Variants in FAM227B observed in about 807,000 individuals in gnomAD.
FAM227B encodes the protein protein FAM227B.
Under a neutral mutation model 73.8 loss-of-function variants are expected in FAM227B, and 88 were observed. The ratio of observed to expected loss-of-function variants is 1.19; its 90% confidence interval spans 1.00 to 1.42. The LOEUF (loss-of-function observed/expected upper bound fraction) is 1.42, where lower values mean the gene tolerates loss of function less well. FAM227B is among the 40% of genes most tolerant of loss of function. The pLI is 0.00. For missense variants in FAM227B, 632 were observed against 590.9 expected (o/e 1.07, Z -0.72); for synonymous variants, 210 against 190.5 (o/e 1.10, Z -0.84).
At chr15:49,342,378 A>C (rs1165324527) in intron 13 of FAM227B, among the ~76,000 whole-genome samples, 4 of 152,110 alleles carry the variant, frequency 2.6e-5, no homozygotes, top group Admixed American at 2.6e-4. Context: ...CATTTATGTG[A>C]TAGAACTTTC....
At chr15:49,405,364 TC>T (rs2048444148) in intron 11 of FAM227B, among the ~76,000 whole-genome samples, 2 of 152,334 alleles carry the variant, frequency 1.3e-5, no homozygotes, top group South Asian at 4.1e-4. Flanking sequence ...TTGCTTGTAC[TC>T]ACCCCATCTC....
Position 49,614,926 on chromosome 15 carries a change from C to G in FAM227B, c.51+195G>C, listed in dbSNP as rs2078192096. On this transcript the variant is annotated intron_variant, in intron 2 of 15. Transcript: ENST00000299338. ...TGATCTCCCATCTCCTCGGCTGCAGCACCCTATTAAAGCTTTCTTCCTTGG... is the reference window on the plus strand; with the variant it reads ...TGATCTCCCATCTCCTCGGCTGCAGGACCCTATTAAAGCTTTCTTCCTTGG... 13 of 586,860 alleles carry G rather than the reference C, an allele frequency of 2.2e-5. No individual in the cohort carries two copies. The South Asian group carries it at 2.8e-4, about 13-fold the overall frequency. The allele number at this position is 586,860 out of a possible 1,614,324, so 36.4% of individuals were successfully genotyped here.
intron 3 of FAM227B, among the ~76,000 whole-genome samples, chr15:49,597,130 A>C (rs925716047): frequency 6.6e-6 from 1 of 152,064 alleles, no homozygotes; most frequent in African/African-American, 2.4e-5. Flanking sequence ...GACTTAACAG[A>C]TATTTACAGA....
At chr15:49,557,116 C>A (rs2073787427) in intron 9 of FAM227B, among the ~76,000 whole-genome samples, 1 of 152,204 alleles carries the variant, frequency 6.6e-6, no homozygotes, top group Admixed American at 6.5e-5. Context: ...TCAGTGCCTT[C>A]CCTCTGATGA....
chr15:49,373,416 C>T lies in FAM227B; in HGVS notation c.1013-2017G>A, dbSNP rs185031784. ...ATTTATTAGCTTTTTTTCCTCTAACCCATTGATTAGTTTTAGGGAAAAATG... is the reference window on the plus strand; with the variant it reads ...ATTTATTAGCTTTTTTTCCTCTAACTCATTGATTAGTTTTAGGGAAAAATG... On this transcript the variant is annotated intron_variant, in intron 11 of 15. Coordinates refer to ENST00000299338, the MANE Select transcript of FAM227B (RefSeq NM_152647.3). Among the ~76,000 whole-genome samples the T allele has an allele frequency of 8.8e-4, 134 of 152,060 alleles. 1 individual carries two copies. The highest frequency in any genetic ancestry group is 3.1e-3 in the African/African-American group (128 of 41,512).
intron 10 of FAM227B, among the ~76,000 whole-genome samples, chr15:49,520,947 C>T (rs1248499993): frequency 6.6e-6 from 1 of 152,132 alleles, no homozygotes; most frequent in East Asian, 1.9e-4. Flanking sequence ...GCTCCCCTCA[C>T]CCCAAGACAG....
At chr15:49,538,628 C>A (rs1016224290) in intron 10 of FAM227B, among the ~76,000 whole-genome samples, 5 of 152,066 alleles carry the variant, frequency 3.3e-5, no homozygotes, top group South Asian at 4.2e-4. Flanking sequence ...TCCTATAAAC[C>A]CTGTAGACTT....
chr15:49,502,278 C>T (rs1567418691), intron 11 of FAM227B, among the ~76,000 whole-genome samples: 1 of 152,190 alleles, frequency 6.6e-6, no homozygotes, highest in Non-Finnish European at 1.5e-5. Flanking sequence ...CAGCTTGCAC[C>T]CTGAATCTGA....
At chr15:49,430,477 G>C (rs1333928280) in intron 11 of FAM227B, among the ~76,000 whole-genome samples, 1 of 151,848 alleles carries the variant, frequency 6.6e-6, no homozygotes, top group Admixed American at 6.6e-5. Context: ...CAGGGGGAGA[G>C]AACCACAATT....
chr15:49,334,229 C>T (rs2039306690), intron 14 of FAM227B: 3 of 982,292 alleles, frequency 3.1e-6, no homozygotes, highest in African/African-American at 1.7e-5. Context: ...TATCAAGCTC[C>T]TTGTCAATTC....
chr15:49,420,075 C>T (rs1472223523), intron 11 of FAM227B, among the ~76,000 whole-genome samples: 4 of 152,162 alleles, frequency 2.6e-5, no homozygotes, highest in African/African-American at 9.6e-5. Flanking sequence ...CTCTTACCTA[C>T]TGCTGGTGGG....
chr15:49,396,015 A>G (rs1383164546), intron 11 of FAM227B: 1 of 455,444 alleles, frequency 2.2e-6, no homozygotes, highest in Non-Finnish European at 4.4e-6. Flanking sequence ...AAATAGGAAC[A>G]GCTCCGGTCT....
intron 11 of FAM227B, among the ~76,000 whole-genome samples, chr15:49,383,981 T>C (rs953214267): frequency 3.3e-5 from 5 of 152,090 alleles, no homozygotes; most frequent in Non-Finnish European, 5.9e-5. Flanking sequence ...AACATCCCAA[T>C]GTGTTCCTCA....
At chr15:49,434,871 G>A (rs1238247650) in intron 11 of FAM227B, among the ~76,000 whole-genome samples, 1 of 151,220 alleles carries the variant, frequency 6.6e-6, no homozygotes, top group Non-Finnish European at 1.5e-5. Context: ...TAATAAAAAA[G>A]AGAACCAATT....
At chr15:49,482,070 G>T (rs1262208413) in intron 11 of FAM227B, among the ~76,000 whole-genome samples, 1 of 152,066 alleles carries the variant, frequency 6.6e-6, no homozygotes, top group Non-Finnish European at 1.5e-5. Context: ...GTTTTTGAAG[G>T]CCCAATCACA....
intron 11 of FAM227B, among the ~76,000 whole-genome samples, chr15:49,445,697 T>G (rs1035282632): frequency 1.3e-5 from 2 of 151,558 alleles, no homozygotes; most frequent in Non-Finnish European, 3.0e-5. Flanking sequence ...GAAAAGTATA[T>G]GATCCATCAA....
At chr15:49,487,949 T>C (rs2056542151) in intron 11 of FAM227B, 1 of 152,000 alleles carries the variant, frequency 6.6e-6, no homozygotes, top group Non-Finnish European at 1.5e-5. Flanking sequence ...AAAGATTATT[T>C]GCCTCCCATA....
intron 10 of FAM227B, among the ~76,000 whole-genome samples, chr15:49,524,454 G>A (rs2060008566): frequency 1.3e-5 from 2 of 152,210 alleles, no homozygotes; most frequent in Admixed American, 1.3e-4. Context: ...GTATGGAAAT[G>A]CCTCGATACC....
chr15:49,525,698 AT>A (rs2060130331), intron 10 of FAM227B, among the ~76,000 whole-genome samples: 2 of 66,812 alleles, frequency 3.0e-5, no homozygotes, highest in Admixed American at 1.4e-4. Context: ...ATATATATAT[AT>A]ATATATATAT....
Sources: gnomAD v4.1 joint callset for allele counts (sites outside exome capture counted in the v4.1 genomes callset) on GRCh38, gnomAD v4.1.1 for gene constraint, MANE v1.5 for transcripts, NCBI Gene and HGNC (gene_info 2026-07-23, HGNC 2026-07-21) for gene names.